Variants in MRNIP observed in about 807,000 individuals in gnomAD.
MRNIP encodes MRN complex-interacting protein.
Under a neutral mutation model 29.8 loss-of-function variants are expected in MRNIP, and 30 were observed. The ratio of observed to expected loss-of-function variants is 1.01; its 90% confidence interval spans 0.75 to 1.36. The LOEUF (loss-of-function observed/expected upper bound fraction) is 1.36. Ranked by LOEUF, MRNIP falls within the 40% of genes most tolerant of loss-of-function variation. The pLI is 0.00. For missense variants in MRNIP, 459 were observed against 423.5 expected, an observed-to-expected ratio of 1.08 and a Z score of -0.74; for synonymous variants, 201 against 164.1, an observed-to-expected ratio of 1.23 and a Z score of -1.72.
intron 2 of MRNIP, chr5:179,851,327 G>C (rs1419075533): frequency 2.2e-6 from 1 of 456,060 alleles, no homozygotes; most frequent in Admixed American, 2.3e-5. Context: ...GGGCCAACCA[G>C]GTTGCTTCTC....
chr5:179,838,801 A>T (rs1758736508), intron 6 of MRNIP: 2 of 152,154 alleles, frequency 1.3e-5, no homozygotes, highest in Admixed American at 1.3e-4. Flanking sequence ...CAACATGGTG[A>T]AACCCCCTCT....
intron 5 of MRNIP, 99 bp downstream of exon 5, chr5:179,841,808 T>TC: frequency 7.6e-7 from 1 of 1,318,992 alleles, no homozygotes; most frequent in East Asian, 2.3e-5. Context: ...CACCTAGGCT[T>TC]CCCGCGCTTG....
intron 4 of MRNIP, among the ~76,000 whole-genome samples, chr5:179,843,051 A>AAGGAAGGAAGGAAGGG (rs1758972875): frequency 7.8e-6 from 1 of 129,022 alleles, no homozygotes; most frequent in Non-Finnish European, 1.7e-5. Context: ...AGAAGGAAGG[A>AAGGAAGGAAGGAAGGG]AGGAAGGAAG....
rs1255095749 is a variant in MRNIP at position 179,843,095 on chromosome 5, C to T, written c.292-1031G>A. ...GGAGGGAGGGAGGCAGGCAAGCAGGCAAGCAGAAGTGTGGAAACAACCTAA... is the reference window on the plus strand; with the variant it reads ...GGAGGGAGGGAGGCAGGCAAGCAGGTAAGCAGAAGTGTGGAAACAACCTAA... On this transcript the variant is annotated intron_variant, in intron 4 of 6. Coordinates refer to ENST00000292586, the MANE Select transcript of MRNIP (RefSeq NM_016175.4). 2.0e-5 allele frequency among the ~76,000 whole-genome samples: 3 copies of T among 148,370 alleles called. No homozygotes were observed. The Admixed American group carries it at 2.1e-4, about 10-fold the overall frequency.
rs1758663096 is a variant in MRNIP, at chr5:179,837,708, T to G, written c.715A>C (p.Ser239Arg). The G allele has an allele frequency of 6.2e-7, 1 of 1,614,102 alleles. No individual in the cohort carries two copies. The highest frequency in any genetic ancestry group is 1.7e-5 in the Admixed American group (1 of 60,010). The change falls in exon 7 of 7, where the codon AGT becomes CGT. Residue 239 changes from serine to arginine, a missense_variant. Ser to Arg is a moderately radical substitution (Grantham distance 110, BLOSUM62 -1). Coordinates refer to ENST00000292586, the MANE Select transcript of MRNIP (RefSeq NM_016175.4). ...WAQFVLPPRKSSHVDSEQPRS... is the reference protein window; with the variant it reads ...WAQFVLPPRKRSHVDSEQPRS... ...GGCTGCTCACTGTCCACATGTGAAC[T>G]TTTTCTAGGTGGCAGGACAAATTGC...
intron 2 of MRNIP, among the ~76,000 whole-genome samples, chr5:179,851,615 C>CTTTA (rs139272348): frequency 0.025 from 3,801 of 152,044 alleles, 141 homozygotes; most frequent in African/African-American, 0.086. Context: ...CTTGCCAGCA[C>CTTTA]TTTATTTATT....
chr5:179,855,531 C>G (rs952680718), intron 1 of MRNIP, among the ~76,000 whole-genome samples: 3 of 152,128 alleles, frequency 2.0e-5, no homozygotes, highest in African/African-American at 7.2e-5. Context: ...ATTAAGATAC[C>G]TTCAAAAATT....
At chr5:179,840,628 C>A (rs1277852502) in intron 6 of MRNIP, 1 of 577,218 alleles carries the variant, frequency 1.7e-6, no homozygotes. Flanking sequence ...CTCAGTTTCT[C>A]CAAGGGTCAC....
chr5:179,846,545 T>C (rs1444388445), intron 3 of MRNIP, among the ~76,000 whole-genome samples: 1 of 152,116 alleles, frequency 6.6e-6, no homozygotes, highest in Non-Finnish European at 1.5e-5. Flanking sequence ...CCTCCCAGTG[T>C]GCTGGGATTA....
intron 1 of MRNIP, among the ~76,000 whole-genome samples, chr5:179,854,472 C>G (rs1472877049): frequency 6.6e-6 from 1 of 152,180 alleles, no homozygotes; most frequent in Non-Finnish European, 1.5e-5. Flanking sequence ...GCTGGGAAAA[C>G]TGGCTATCTG....
At chr5:179,855,907 G>GTTTTT (rs1205010985) in intron 1 of MRNIP, among the ~76,000 whole-genome samples, 10 of 111,010 alleles carry the variant, frequency 9.0e-5, no homozygotes, top group African/African-American at 2.1e-4. Context: ...AAGAAAAGTT[G>GTTTTT]TTTTTTTTTT....
At chr5:179,855,507 T>C (rs1329245599) in intron 1 of MRNIP, among the ~76,000 whole-genome samples, 3 of 152,170 alleles carry the variant, frequency 2.0e-5, no homozygotes, top group Admixed American at 2.0e-4. Flanking sequence ...TCTAATACAG[T>C]GGTTAGGTAC....
intron 2 of MRNIP, among the ~76,000 whole-genome samples, chr5:179,850,038 C>T (rs1383305117): frequency 6.6e-6 from 1 of 151,720 alleles, no homozygotes; most frequent in Non-Finnish European, 1.5e-5. Context: ...ATCGCACAGG[C>T]AGATGGTACG....
rs1317262088 is a variant in MRNIP, at chr5:179,841,943, G to A, written c.413C>T (p.Pro138Leu). ...CAGGTCTTGACTGAAGCGGGGGCCT[G>A]GCTCCTCCATTTTGGATGAAGGCTG... ...SKQPSSKMEE[P>L]GPRFSQDLPR... The change falls in exon 5 of 7, where the codon CCA becomes CTA. Residue 138 changes from proline to leucine, a missense_variant. Pro to Leu is a moderately conservative substitution (Grantham distance 98, BLOSUM62 -3). Transcript: ENST00000292586. 2 of 1,614,096 alleles carry A rather than the reference G, an allele frequency of 1.2e-6. No homozygotes were observed. The highest frequency in any genetic ancestry group is 1.1e-5 in the South Asian group (1 of 91,078).
chr5:179,840,853 GAA>G lies in MRNIP; in HGVS notation c.537+17_537+18del, dbSNP rs1487270413. The G allele has an allele frequency of 6.4e-7, 1 of 1,557,648 alleles. No homozygotes were observed. Among genetic ancestry groups the G allele is most frequent in the African/African-American group, 1.4e-5 (1 of 73,950 alleles). Reference sequence around the variant, plus strand: ...GCTCAGTGGTCACTGGGACCAGAGAGAAACTGTTTGTCACTGACCTTCTGGGG... The same window carrying G: ...GCTCAGTGGTCACTGGGACCAGAGAGACTGTTTGTCACTGACCTTCTGGGG... On this transcript the variant is annotated intron_variant, in intron 6 of 6. Transcript: ENST00000292586.
chr5:179,851,994 A>T (rs1307898651), intron 2 of MRNIP, among the ~76,000 whole-genome samples: 1 of 151,562 alleles, frequency 6.6e-6, no homozygotes, highest in Non-Finnish European at 1.5e-5. Context: ...ATAAAAAAAT[A>T]AAAAATATCA....
chr5:179,853,283 G>C (rs1280997040), intron 2 of MRNIP, 95 bp downstream of exon 2: 1 of 1,601,916 alleles, frequency 6.2e-7, no homozygotes. Context: ...AACTCTGTTT[G>C]AGAGAGGATG....
At chr5:179,853,083 T>C in intron 2 of MRNIP, 1 of 586,346 alleles carries the variant, frequency 1.7e-6, no homozygotes, top group Non-Finnish European at 2.9e-6. Context: ...TCCACACAAG[T>C]GCATCTGTGA....
intron 1 of MRNIP, among the ~76,000 whole-genome samples, chr5:179,857,174 C>T (rs769324769): frequency 1.4e-4 from 22 of 151,750 alleles, no homozygotes; most frequent in Non-Finnish European, 1.5e-4. Flanking sequence ...AGAGGCCGGG[C>T]GCAGTGGCTC....
Sources: allele counts gnomAD v4.1 joint callset (sites outside exome capture counted in the v4.1 genomes callset), GRCh38; gene constraint gnomAD v4.1.1; transcripts MANE v1.5; gene names NCBI Gene and HGNC (gene_info 2026-07-23, HGNC 2026-07-21).